Variants in PREX1 observed in about 807,000 individuals in gnomAD.
The protein encoded by PREX1 is phosphatidylinositol-3,4,5-trisphosphate dependent Rac exchange factor 1, also known as phosphatidylinositol 3,4,5-trisphosphate-dependent Rac exchanger 1 protein.
Under a neutral mutation model 198.3 loss-of-function variants are expected in PREX1, and 41 were observed. The ratio of observed to expected loss-of-function variants is 0.21; its 90% confidence interval spans 0.16 to 0.27. PREX1 has a LOEUF of 0.27. Ranked by LOEUF, PREX1 falls within the 10% of genes least tolerant of loss-of-function variation. The pLI, the probability that PREX1 is intolerant of heterozygous loss-of-function variation, is 1.00. For synonymous variants in PREX1, 843 were observed against 887.2 expected, an observed-to-expected ratio of 0.95 and a Z score of 0.89; for missense variants, 1,620 against 2,200.7, an observed-to-expected ratio of 0.74 and a Z score of 5.28.
At chr20:48,779,835 G>A (rs1471579989) in intron 1 of PREX1, among the ~76,000 whole-genome samples, 1 of 152,210 alleles carries the variant, frequency 6.6e-6, no homozygotes. Flanking sequence ...TGGATGAGTG[G>A]TTGTCAGGGG....
intron 29 of PREX1, among the ~76,000 whole-genome samples, chr20:48,641,860 AAG>A (rs2089415082): frequency 2.6e-5 from 2 of 76,518 alleles, no homozygotes; most frequent in South Asian, 1.4e-3. Context: ...GGAAGGAAGG[AAG>A]GAAGGAAGGA....
At chr20:48,680,980 G>T (rs2089745398) in intron 11 of PREX1, among the ~76,000 whole-genome samples, 1 of 152,162 alleles carries the variant, frequency 6.6e-6, no homozygotes, top group South Asian at 2.1e-4. Flanking sequence ...TAACCAAATG[G>T]TTCTTGACAT....
intron 3 of PREX1, among the ~76,000 whole-genome samples, chr20:48,738,899 G>C (rs1333379948): frequency 6.6e-6 from 1 of 152,180 alleles, no homozygotes; most frequent in Non-Finnish European, 1.5e-5. Context: ...ATATTCTCCA[G>C]TGGGGAGGAG....
intron 4 of PREX1, among the ~76,000 whole-genome samples, chr20:48,727,625 G>C (rs2090015887): frequency 6.6e-6 from 1 of 152,064 alleles, no homozygotes; most frequent in African/African-American, 2.4e-5. Context: ...GAGAGGTTTA[G>C]TCTTTTACTC....
chr20:48,690,950 C>T lies in PREX1; in HGVS notation c.1183G>A (p.Glu395Lys), dbSNP rs780215978. The change falls in exon 9 of 40, where the codon GAG (glutamate) becomes AAG (lysine). Residue 395 changes from glutamate (E) to lysine (K), a missense_variant. Around this residue, in one of 7 missense-constraint regions of PREX1, gnomAD observed 488 missense variants for 802.5 expected, o/e 0.61. Transcript: ENST00000371941. ...GCACCCCAAAGCTGCTGCTCACTCT[C>T]GCGCTGCTCCCGCTCGCGGATGATG... is the stretch of plus-strand genomic sequence containing the variant. Reference protein sequence around the residue: ...DAIIREREQRESLKLGMERDA... With the variant: ...DAIIREREQRKSLKLGMERDA... The T allele has an allele frequency of 2.9e-5, 46 of 1,613,780 alleles. No homozygotes were observed. The highest frequency in any genetic ancestry group is 3.5e-5 in the Non-Finnish European group (41 of 1,180,042).
chr20:48,875,830 G>A, the PREX1 span, among the ~76,000 whole-genome samples: 539 of 152,228 alleles, frequency 3.5e-3, 2 homozygotes, highest in Non-Finnish European at 6.6e-3. Context: ...AAGGGACGAC[G>A]GGCAGAAGGC....
chr20:48,688,171 T>G (rs763192063), intron 10 of PREX1, among the ~76,000 whole-genome samples: 2 of 152,148 alleles, frequency 1.3e-5, no homozygotes, highest in Non-Finnish European at 2.9e-5. Flanking sequence ...TTACCTGTGT[T>G]CAATACCTCT....
chr20:48,798,902 C>T lies in PREX1; in HGVS notation c.219+28740G>A, dbSNP rs555224214. On this transcript the variant is annotated intron_variant, in intron 1 of 39. Transcript: ENST00000371941. ...AAATCTCTAAATATGAATTAAATAA[C>T]TTTTTTCTTTTTGAGACAGAGTCTC... Among the ~76,000 whole-genome samples the T allele has an allele frequency of 3.3e-5, 5 of 152,140 alleles. No individual in the cohort carries two copies. In the South Asian group the frequency reaches 1.0e-3, roughly 32 times the overall value.
intron 3 of PREX1, among the ~76,000 whole-genome samples, chr20:48,737,233 A>AG (rs1299610444): frequency 1.3e-5 from 2 of 150,242 alleles, no homozygotes; most frequent in East Asian, 3.9e-4. Context: ...AAAAAAAAAA[A>AG]AAAAAAAAAA....
At chr20:48,676,331 C>T (rs747510523) in intron 13 of PREX1, 63 bp from the exon 14 acceptor site, 148 of 1,470,560 alleles carry the variant, frequency 1.0e-4, no homozygotes, top group Non-Finnish European at 1.4e-4. Context: ...TGGGGGTGGT[C>T]CTGACTTCCC....
intron 29 of PREX1, among the ~76,000 whole-genome samples, chr20:48,641,621 AC>A (rs2089410483): frequency 6.6e-6 from 1 of 151,372 alleles, no homozygotes. Flanking sequence ...CCATGTCTCT[AC>A]CAAAAAAAAA....
chr20:48,754,692 G>A (rs538468658), intron 1 of PREX1, among the ~76,000 whole-genome samples: 3 of 127,868 alleles, frequency 2.3e-5, no homozygotes, highest in South Asian at 2.9e-4. Context: ...GGAGCAAAGG[G>A]AAGCGATGAG....
chr20:48,754,537 G>A (rs2090148402), intron 1 of PREX1, among the ~76,000 whole-genome samples: 1 of 152,062 alleles, frequency 6.6e-6, no homozygotes. Context: ...ACAGAAAGAG[G>A]CCTTGAAGTC....
At chr20:48,680,912 T>C (rs1471720174) in intron 11 of PREX1, among the ~76,000 whole-genome samples, 1 of 152,202 alleles carries the variant, frequency 6.6e-6, no homozygotes, top group Non-Finnish European at 1.5e-5. Context: ...CATTGTGGTG[T>C]GAACAGTGCC....
the PREX1 span, among the ~76,000 whole-genome samples, chr20:48,885,524 C>G: frequency 3.3e-5 from 5 of 152,148 alleles, no homozygotes; most frequent in Non-Finnish European, 5.9e-5. Flanking sequence ...CCTACTCTTA[C>G]CATATGATCC....
At chr20:48,669,113 T>C (rs1441611647) in intron 14 of PREX1, among the ~76,000 whole-genome samples, 1 of 151,622 alleles carries the variant, frequency 6.6e-6, no homozygotes, top group Non-Finnish European at 1.5e-5. Flanking sequence ...ACGAGACCCC[T>C]GCAACCTCCC....
In PREX1 at chr20:48,624,326, A is replaced by G. The variant is rs555829722; in HGVS notation, c.*1559T>C. The G allele has an allele frequency of 6.5e-6, 1 of 152,754 alleles. No individual in the cohort carries two copies. The highest frequency in any genetic ancestry group is 1.9e-4 in the East Asian group (1 of 5,186). The allele number at this position is 152,754 out of a possible 1,614,324, so 9.5% of individuals were successfully genotyped here. On this transcript the variant is annotated 3_prime_UTR_variant, in exon 40 of 40. Transcript: ENST00000371941. ...TTAACGAGAAGAATCTGTACATTTT[A>G]AAGTAAACCAGTGCACAATGCGCTG... is the stretch of plus-strand genomic sequence containing the variant.
chr20:48,744,656 A>C (rs1029425349), intron 3 of PREX1, among the ~76,000 whole-genome samples: 3 of 152,182 alleles, frequency 2.0e-5, no homozygotes, highest in African/African-American at 7.2e-5. Context: ...GCCGGGACTC[A>C]AACCCAGGTC....
At chr20:48,754,797 G>A (rs574162771) in intron 1 of PREX1, among the ~76,000 whole-genome samples, 67 of 152,100 alleles carry the variant, frequency 4.4e-4, no homozygotes, top group African/African-American at 1.5e-3. Context: ...GCGGGGAGTC[G>A]GAAGCACAGT....
Sources: gnomAD v4.1 joint callset for allele counts (sites outside exome capture counted in the v4.1 genomes callset) on GRCh38, gnomAD v4.1.1 for gene constraint, gnomAD v4.1.1 regional missense constraint, MANE v1.5 for transcripts, NCBI Gene and HGNC (gene_info 2026-07-23, HGNC 2026-07-21) for gene names.